Variants in CAPN13 observed in about 807,000 individuals in gnomAD.
CAPN13 encodes the protein calpain-13.
Under a neutral mutation model 98.4 loss-of-function variants are expected in CAPN13, and 90 were observed. The observed-to-expected ratio is 0.92, with a 90% CI of 0.77 to 1.09. The LOEUF (loss-of-function observed/expected upper bound fraction) is 1.09. Ranked by LOEUF, CAPN13 falls within the 50% of genes least tolerant of loss-of-function variation. CAPN13 has a pLI of 0.00. For synonymous variants in CAPN13, 330 were observed against 305.5 expected (o/e 1.08, Z -0.84); for missense variants, 887 against 841.3 (o/e 1.05, Z -0.67).
chr2:30,787,316 A>G lies in CAPN13; in HGVS notation c.10T>C (p.Tyr4His). MAYYQEPSVETSII... is the reference protein window; with the variant it reads MAYHQEPSVETSII... ...GAGGTCTCCACTGAAGGCTCCTGGTAATACGCCATGACTCTCCTTAGAAGA... is the reference window on the plus strand; with the variant it reads ...GAGGTCTCCACTGAAGGCTCCTGGTGATACGCCATGACTCTCCTTAGAAGA... Residue 4 changes from tyrosine (Y) to histidine (H), a missense_variant, in exon 2 of 23, where the codon TAC (tyrosine) becomes CAC (histidine). Physicochemically the swap from Tyr to His is moderately conservative, Grantham distance 83 (BLOSUM62 2). Transcript: ENST00000295055. 6.2e-7 allele frequency: 1 copy of G among 1,612,360 alleles called. No homozygotes were observed. The highest frequency in any genetic ancestry group is 8.5e-7 in the Non-Finnish European group (1 of 1,179,346).
rs1241091777 is a variant in CAPN13 at position 30,722,944 on chromosome 2, GT to G, written c.*322del. On this transcript the variant is annotated 3_prime_UTR_variant, in exon 23 of 23. Transcript: ENST00000295055. ...CTCTTCCAAGAAATGAATCCAACTGGTGACAGGGGACTCAGAGACAACTTCT... is the reference window on the plus strand; with the variant it reads ...CTCTTCCAAGAAATGAATCCAACTGGGACAGGGGACTCAGAGACAACTTCT... The G allele has an allele frequency of 6.6e-6, 1 of 152,274 alleles. No individual in the cohort carries two copies. Among genetic ancestry groups the G allele is most frequent in the Non-Finnish European group, 1.5e-5 (1 of 68,070 alleles). 9.4% of individuals were successfully genotyped at this position (152,274 alleles called of 1,614,324 possible). A position where few individuals can be genotyped will look rare whatever the true frequency, so the allele number is the denominator to read the frequency against.
intron 1 of CAPN13, among the ~76,000 whole-genome samples, chr2:30,797,042 C>T (rs1368824737): frequency 1.3e-5 from 2 of 152,090 alleles, no homozygotes; most frequent in Non-Finnish European, 2.9e-5. Context: ...TTCATATTGG[C>T]AAAAATGTGC....
At chr2:30,743,649 G>C in intron 12 of CAPN13, 70 bp from the exon 13 acceptor site, 1 of 1,354,666 alleles carries the variant, frequency 7.4e-7, no homozygotes, top group Non-Finnish European at 1.1e-6. Flanking sequence ...CACCAAGAAA[G>C]ACCCACCACC....
chr2:30,777,126 C>T (rs1225853029), intron 3 of CAPN13, among the ~76,000 whole-genome samples: 1 of 152,228 alleles, frequency 6.6e-6, no homozygotes, highest in East Asian at 1.9e-4. Flanking sequence ...GCCCAGGTAC[C>T]TCCTCTTAGG....
chr2:30,779,735 C>CA (rs2148057488), intron 2 of CAPN13, among the ~76,000 whole-genome samples: 1 of 152,002 alleles, frequency 6.6e-6, no homozygotes, highest in South Asian at 2.1e-4. Context: ...AAAAGAGCCT[C>CA]AAAAATAGGA....
At chr2:30,792,446 T>C (rs1674650498) in intron 1 of CAPN13, among the ~76,000 whole-genome samples, 1 of 152,032 alleles carries the variant, frequency 6.6e-6, no homozygotes, top group Admixed American at 6.5e-5. Context: ...TGCCAACAAA[T>C]CTGCTAAGTT....
chr2:30,747,406 G>T (rs1221802655), intron 11 of CAPN13, among the ~76,000 whole-genome samples: 1 of 152,116 alleles, frequency 6.6e-6, no homozygotes, highest in Non-Finnish European at 1.5e-5. Context: ...TGTTGACACT[G>T]GGCCCCACCC....
At position 30,762,582 on chromosome 2, in the gene CAPN13, C is replaced by G. The variant is rs112412616; in HGVS notation, c.774+500G>C. Among the ~76,000 whole-genome samples the G allele has an allele frequency of 9.6e-3, 1,464 of 152,292 alleles. 19 individuals are homozygous for G. The highest frequency in any genetic ancestry group is 0.034 in the African/African-American group (1,393 of 41,560). ...GAGGGATCAGAGCAGCTGTCTTGGG[C>G]ACATGGATGGAAGCTCCATGTCGAG... On this transcript the variant is annotated intron_variant, in intron 7 of 22. Transcript: ENST00000295055.
At chr2:30,798,112 AGTGGCCACTGGC>A (rs1330735111) in intron 1 of CAPN13, among the ~76,000 whole-genome samples, 1 of 152,294 alleles carries the variant, frequency 6.6e-6, no homozygotes, top group Non-Finnish European at 1.5e-5. Context: ...TGTCTAATAC[AGTGGCCACTGGC>A]CATACGTAGC....
chr2:30,795,183 C>T (rs544366765), intron 1 of CAPN13, among the ~76,000 whole-genome samples: 3 of 151,998 alleles, frequency 2.0e-5, no homozygotes, highest in Non-Finnish European at 2.9e-5. Flanking sequence ...TCTCAATGGA[C>T]ATTTAATGCT....
Position 30,751,138 on chromosome 2 carries a change from C to A in CAPN13, c.1201G>T (p.Asp401Tyr). ...TGGAAATCGAGTGGAAATTTTGCAT[C>A]TTCTGCTTTCAAATTTGATGGTGTG... ...AVTPSNLKAE[D>Y]AKFPLDFQVI... Residue 401 changes from aspartate to tyrosine, a missense_variant, in exon 11 of 23, where the codon GAT (aspartate) becomes TAT (tyrosine). Transcript: ENST00000295055. The A allele has an allele frequency of 6.2e-7, 1 of 1,613,884 alleles. No homozygotes were observed. The highest frequency in any genetic ancestry group is 8.5e-7 in the Non-Finnish European group (1 of 1,179,838).
At chr2:30,769,009 C>T (rs990297289) in intron 5 of CAPN13, among the ~76,000 whole-genome samples, 11 of 151,962 alleles carry the variant, frequency 7.2e-5, no homozygotes, top group African/African-American at 2.2e-4. Flanking sequence ...CTTGGCTACA[C>T]GCACGTCTCA....
chr2:30,778,120 C>T (rs1673795463), intron 2 of CAPN13, among the ~76,000 whole-genome samples: 1 of 152,190 alleles, frequency 6.6e-6, no homozygotes, highest in Non-Finnish European at 1.5e-5. Flanking sequence ...TAGCCGTGTG[C>T]TGTAAGGGAT....
chr2:30,795,249 T>A (rs906280120), intron 1 of CAPN13, among the ~76,000 whole-genome samples: 11 of 152,090 alleles, frequency 7.2e-5, no homozygotes, highest in African/African-American at 2.7e-4. Flanking sequence ...TATCTCCTGA[T>A]AAACATGCAA....
chr2:30,784,225 C>T (rs1674141851), intron 2 of CAPN13, among the ~76,000 whole-genome samples: 1 of 152,018 alleles, frequency 6.6e-6, no homozygotes. Context: ...AAGGCATTTT[C>T]TACACTCCCT....
chr2:30,801,124 AG>A (rs1398056540), intron 1 of CAPN13, among the ~76,000 whole-genome samples: 2 of 152,188 alleles, frequency 1.3e-5, no homozygotes, highest in Non-Finnish European at 2.9e-5. Flanking sequence ...AGTACTCCCC[AG>A]GCAGACCCTC....
At chr2:30,737,998 CA>C (rs1558612882) in intron 17 of CAPN13, 26 of 562,922 alleles carry the variant, frequency 4.6e-5, no homozygotes, top group African/African-American at 5.7e-5. Context: ...CACACACACA[CA>C]CACACACCCC....
At chr2:30,800,140 GAA>G (rs761859358) in intron 1 of CAPN13, among the ~76,000 whole-genome samples, 5 of 145,260 alleles carry the variant, frequency 3.4e-5, no homozygotes, top group East Asian at 2.0e-4. Context: ...AAGAAAGAAA[GAA>G]AGAAAGAAAG....
intron 11 of CAPN13, 76 bp from the exon 12 acceptor site, chr2:30,745,810 G>C: frequency 1.5e-6 from 2 of 1,329,876 alleles, no homozygotes; most frequent in Non-Finnish European, 2.1e-6. Flanking sequence ...GAACAGCTTG[G>C]CTCATTGGTT....
Sources: allele counts gnomAD v4.1 joint callset (sites outside exome capture counted in the v4.1 genomes callset), GRCh38; gene constraint gnomAD v4.1.1; transcripts MANE v1.5; gene names NCBI Gene and HGNC (gene_info 2026-07-23, HGNC 2026-07-21).